Variants in CFDP1 observed in about 807,000 individuals in gnomAD.
The protein encoded by CFDP1 is heterochromatin-stabilizing protein CFDP1.
Under a neutral mutation model 40.1 loss-of-function variants are expected in CFDP1, and 31 were observed. The observed-to-expected ratio is 0.77, with a 90% confidence interval of 0.58 to 1.04. The LOEUF (loss-of-function observed/expected upper bound fraction) is 1.04. CFDP1 is among the 50% of genes least tolerant of loss of function. CFDP1 has a pLI of 0.00. For missense variants in CFDP1, 423 were observed against 343.4 expected (o/e 1.23, Z -1.83); for synonymous variants, 167 against 120.0 (o/e 1.39, Z -2.56).
intron 6 of CFDP1, among the ~76,000 whole-genome samples, chr16:75,298,184 G>A (rs1372356296): frequency 6.6e-6 from 1 of 152,224 alleles, no homozygotes; most frequent in Non-Finnish European, 1.5e-5. Context: ...CCCCAAGATT[G>A]CTGATGACGT....
At chr16:75,401,346 T>G (rs903206418) in intron 4 of CFDP1, among the ~76,000 whole-genome samples, 5 of 146,030 alleles carry the variant, frequency 3.4e-5, no homozygotes, top group Non-Finnish European at 7.4e-5. Context: ...GAGAATGGCG[T>G]GAACCAGGGA....
Position 75,414,597 on chromosome 16 carries a change from C to T in CFDP1, c.163G>A (p.Ala55Thr), listed in dbSNP as rs775567073. Residue 55 changes from alanine (A) to threonine (T), a missense_variant, in exon 2 of 7, where the codon GCC (alanine) becomes ACC (threonine). Coordinates refer to ENST00000283882, the MANE Select transcript of CFDP1 (RefSeq NM_006324.3). ...CATCACCTGGCTGGAATGCTCTGGGCCTTTCTTTTTTTCCCTTGGGTTTTC... is the reference window on the plus strand; with the variant it reads ...CATCACCTGGCTGGAATGCTCTGGGTCTTTCTTTTTTTCCCTTGGGTTTTC... ...TQKTQGKKRKAQSIPARKRRQ... is the reference protein window; with the variant it reads ...TQKTQGKKRKTQSIPARKRRQ... 1.9e-6 allele frequency: 3 copies of T among 1,612,976 alleles called. No homozygotes were observed. The highest frequency in any genetic ancestry group is 1.3e-5 in the African/African-American group (1 of 74,974).
chr16:75,384,783 T>C (rs1241611679), intron 5 of CFDP1, among the ~76,000 whole-genome samples: 4 of 137,144 alleles, frequency 2.9e-5, no homozygotes, highest in Admixed American at 1.5e-4. Flanking sequence ...CAGATGTTTA[T>C]ATTGAACCTG....
chr16:75,393,611 G>A (rs1044489472), intron 5 of CFDP1, among the ~76,000 whole-genome samples: 2 of 150,864 alleles, frequency 1.3e-5, no homozygotes, highest in Non-Finnish European at 2.9e-5. Context: ...GGCGCCTGTA[G>A]TCCCAGCTAC....
Position 75,349,686 on chromosome 16 carries a change from A to ATATATATAT in CFDP1, c.651-44505_651-44504insATATATATA, listed in dbSNP as rs56373574. On this transcript the variant is annotated intron_variant, in intron 5 of 6. Transcript: ENST00000283882. Reference sequence around the variant, plus strand: ...AAAAAAAAAAAAAAAAAAAAAAAAAAAAAAATATATATACATACATATATA... The same window carrying ATATATATAT: ...AAAAAAAAAAAAAAAAAAAAAAAAAATATATATATAAAAATATATATACATACATATATA... Among the ~76,000 whole-genome samples, 4 of 8,892 alleles carry ATATATATAT rather than the reference A, an allele frequency of 4.5e-4. 1 individual carries two copies. The highest frequency in any genetic ancestry group is 7.7e-3 in the South Asian group (2 of 260). 5.8% of individuals were successfully genotyped at this position (8,892 alleles called of 152,430 possible).
chr16:75,414,761 A>G (rs8051407), intron 1 of CFDP1, 66 bp from the exon 2 acceptor site: 622,636 of 1,063,188 alleles, frequency 0.59, 185,452 homozygotes, highest in Admixed American at 0.68. Context: ...AGACATTTTC[A>G]TTAATACAAG....
intron 1 of CFDP1, among the ~76,000 whole-genome samples, chr16:75,420,516 AT>A (rs1414760924): frequency 1.6e-4 from 25 of 152,252 alleles, no homozygotes; most frequent in African/African-American, 5.5e-4. Context: ...TATCTATGCC[AT>A]TATAGAAAGG....
intron 5 of CFDP1, among the ~76,000 whole-genome samples, chr16:75,357,067 C>T (rs2151529581): frequency 6.6e-6 from 1 of 152,004 alleles, no homozygotes; most frequent in African/African-American, 2.4e-5. Flanking sequence ...CGTGTGCCAC[C>T]ATGCCTGGCT....
intron 5 of CFDP1, among the ~76,000 whole-genome samples, chr16:75,341,549 A>G (rs943154852): frequency 1.3e-5 from 2 of 152,152 alleles, no homozygotes; most frequent in African/African-American, 2.4e-5. Flanking sequence ...CAAAACTTCA[A>G]GGGAACCCTC....
At chr16:75,315,163 A>C (rs1216042374) in intron 5 of CFDP1, among the ~76,000 whole-genome samples, 1 of 151,942 alleles carries the variant, frequency 6.6e-6, no homozygotes, top group Non-Finnish European at 1.5e-5. Context: ...CGACATGGCA[A>C]AACCCCGTCT....
chr16:75,407,933 C>T (rs1050225347), intron 4 of CFDP1, among the ~76,000 whole-genome samples: 2 of 152,006 alleles, frequency 1.3e-5, no homozygotes, highest in African/African-American at 4.8e-5. Context: ...AATGGTGAAA[C>T]CCATCTCTAC....
At chr16:75,370,552 A>G (rs2078744293) in intron 5 of CFDP1, among the ~76,000 whole-genome samples, 1 of 152,106 alleles carries the variant, frequency 6.6e-6, no homozygotes, top group Non-Finnish European at 1.5e-5. Flanking sequence ...AACTTAAAGT[A>G]TAATAAAATA....
At chr16:75,356,907 C>CT (rs1567655659) in intron 5 of CFDP1, among the ~76,000 whole-genome samples, 17 of 38,422 alleles carry the variant, frequency 4.4e-4, no homozygotes, top group Middle Eastern at 0.014. Flanking sequence ...CAGCTGCTTT[C>CT]TTTCTTTTTT....
chr16:75,400,854 C>T (rs994292759), intron 4 of CFDP1, among the ~76,000 whole-genome samples: 3 of 152,202 alleles, frequency 2.0e-5, no homozygotes, highest in Non-Finnish European at 2.9e-5. Flanking sequence ...TCAGCCTAGA[C>T]TGCCCTGGCC....
intron 2 of CFDP1, among the ~76,000 whole-genome samples, chr16:75,413,384 A>T (rs1428407720): frequency 6.6e-6 from 1 of 152,000 alleles, no homozygotes; most frequent in Non-Finnish European, 1.5e-5. Context: ...ACTTCATATA[A>T]ACTTTCATCA....
At chr16:75,404,742 G>A (rs1305996340) in intron 4 of CFDP1, among the ~76,000 whole-genome samples, 2 of 150,622 alleles carry the variant, frequency 1.3e-5, no homozygotes, top group Non-Finnish European at 3.0e-5. Flanking sequence ...GTGAAATACA[G>A]AAAAGGCATG....
chr16:75,352,496 A>C (rs2078619942), intron 5 of CFDP1, among the ~76,000 whole-genome samples: 1 of 152,250 alleles, frequency 6.6e-6, no homozygotes, highest in Admixed American at 6.5e-5. Context: ...AAGAAATGAT[A>C]AAATTAGACT....
chr16:75,429,421 A>C (rs375200588), intron 1 of CFDP1, among the ~76,000 whole-genome samples: 10 of 152,178 alleles, frequency 6.6e-5, no homozygotes, highest in African/African-American at 2.4e-4. Flanking sequence ...TGGGAGGCTG[A>C]GGAGGGCGGA....
At chr16:75,395,686 T>C (rs566334290) in intron 4 of CFDP1, among the ~76,000 whole-genome samples, 7 of 151,996 alleles carry the variant, frequency 4.6e-5, no homozygotes, top group African/African-American at 1.4e-4. Flanking sequence ...AAAAAAACAT[T>C]TTCCCTCACT....
Sources: allele counts gnomAD v4.1 joint callset (sites outside exome capture counted in the v4.1 genomes callset), GRCh38; gene constraint gnomAD v4.1.1; transcripts MANE v1.5; gene names NCBI Gene and HGNC (gene_info 2026-07-23, HGNC 2026-07-21).